Variants in VPS9D1 observed in about 807,000 individuals in gnomAD.
The protein encoded by VPS9D1 is VPS9 domain containing 1.
VPS9D1 carries 78 observed loss-of-function variants against 75.8 expected under a neutral mutation model. The observed-to-expected ratio is 1.03, with a 90% CI of 0.86 to 1.24. The LOEUF is 1.24. VPS9D1 is among the 50% of genes most tolerant of loss of function. VPS9D1 has a pLI of 0.00. For missense variants in VPS9D1, 1,057 were observed against 847.7 expected, an observed-to-expected ratio of 1.25 and a Z score of -3.07; for synonymous variants, 481 against 385.6, an observed-to-expected ratio of 1.25 and a Z score of -2.90.
chr16:89,711,874 G>GC lies in VPS9D1; in HGVS notation c.747+7_747+8insG. 1.9e-6 allele frequency: 3 copies of GC among 1,549,996 alleles called. No homozygotes were observed. Among genetic ancestry groups the GC allele is most frequent in the Non-Finnish European group, 2.6e-6 (3 of 1,146,356 alleles). On this transcript the variant is annotated splice_region_variant and intron_variant, in intron 8 of 14. Coordinates refer to ENST00000389386, the MANE Select transcript of VPS9D1 (RefSeq NM_004913.3). ...CTCCTACAAAGCCTGGGCCCGTGGG[G>GC]GACGCACATGGTCCTGTTCGTACTC...
In VPS9D1 at chr16:89,710,609, A is replaced by C. The variant is rs891270993; in HGVS notation, c.1235T>G (p.Val412Gly). The change falls in exon 10 of 15, where the codon GTG becomes GGG. Residue 412 changes from valine to glycine, a missense_variant. By Grantham distance (109) the Val-to-Gly change is moderately radical. Transcript: ENST00000389386. ...EPQLQQLKTA[V>G]EEIHNAVDRL... ...ACCTACGGCATTGTGGATCTCCTCC[A>C]CCGCGGTCTTCAGCTGCTGCAGCTG... 6.2e-7 allele frequency: 1 copy of C among 1,606,610 alleles called. No individual in the cohort carries two copies. Among genetic ancestry groups the C allele is most frequent in the Non-Finnish European group, 8.5e-7 (1 of 1,174,956 alleles).
At chr16:89,718,063 C>A (rs1248778641) in intron 2 of VPS9D1, 1 of 451,498 alleles carries the variant, frequency 2.2e-6, no homozygotes, top group Non-Finnish European at 4.4e-6. Context: ...GTGGCTCCCC[C>A]TGACCTCTGT....
At chr16:89,720,113 T>C (rs897394146) in intron 1 of VPS9D1, among the ~76,000 whole-genome samples, 1 of 152,204 alleles carries the variant, frequency 6.6e-6, no homozygotes, top group African/African-American at 2.4e-5. Flanking sequence ...CCAGGCAGGA[T>C]TTCTGACTTG....
intron 1 of VPS9D1, chr16:89,719,385 C>A (rs889069876): frequency 3.7e-6 from 2 of 545,766 alleles, no homozygotes; most frequent in African/African-American, 3.8e-5. Flanking sequence ...CCTCTGACTG[C>A]CTTTCTCTCC....
intron 2 of VPS9D1, 144 bp from the exon 3 acceptor site, chr16:89,716,966 C>T (rs535737864): frequency 4.4e-6 from 3 of 679,500 alleles, no homozygotes; most frequent in Non-Finnish European, 6.8e-6. Flanking sequence ...CACTGCCCCC[C>T]CATCCCCTCA....
chr16:89,713,077 G>C (rs1286834443), intron 4 of VPS9D1: 1 of 160,272 alleles, frequency 6.2e-6, no homozygotes, highest in Non-Finnish European at 1.4e-5. Flanking sequence ...AGCTACTCGG[G>C]AGGCTGAGGC....
At position 89,707,874 on chromosome 16, in the gene VPS9D1, C is replaced by T; in HGVS notation, c.1883G>A (p.Gly628Asp). ...GCTCTAGCTGTACTACTTGGCCAGG[C>T]CTCCCCGGGGCAGCAGCTCCACGTA... ...LSYVELLPRG[G>D]LAK The change falls in exon 15 of 15, where the codon GGC (glycine) becomes GAC (aspartate). Residue 628 changes from glycine to aspartate, a missense_variant. Transcript: ENST00000389386. 1 of 1,613,094 alleles carries T rather than the reference C, an allele frequency of 6.2e-7. No homozygotes were observed. Among genetic ancestry groups the T allele is most frequent in the African/African-American group, 1.3e-5 (1 of 75,044 alleles).
chr16:89,710,761 C>G lies in VPS9D1; in HGVS notation c.1083G>C (p.Gly361=). The change falls in exon 10 of 15, where the codon GGG becomes GGC. Residue 361 remains glycine, a synonymous_variant. Transcript: ENST00000389386. The part of the protein sequence containing the change: ...PTPPLQPGPV[G]SPSPLGDTAS... ...CGGTGTCCCCCAGGGGTGAGGGAGA[C>G]CCCACGGGGCCGGGTTGGAGTGGGG... The G allele has an allele frequency of 6.4e-7, 1 of 1,564,000 alleles. No individual in the cohort carries two copies. The highest frequency in any genetic ancestry group is 8.7e-7 in the Non-Finnish European group (1 of 1,154,334).
At chr16:89,714,415 G>A (rs2061013639) in intron 4 of VPS9D1, among the ~76,000 whole-genome samples, 1 of 152,200 alleles carries the variant, frequency 6.6e-6, no homozygotes, top group Non-Finnish European at 1.5e-5. Context: ...AGGAAGAAGT[G>A]TCCTGTCTCC....
Position 89,709,822 on chromosome 16 carries a change from T to A in VPS9D1, c.1343A>T (p.Glu448Val). Residue 448 changes from glutamate to valine, a missense_variant, in exon 11 of 15, where the codon GAA becomes GTA. Coordinates refer to ENST00000389386, the MANE Select transcript of VPS9D1 (RefSeq NM_004913.3). ...AGGCCACAGCGGGGAGAAAAAGGGTTCCTCAATGCAGGCCAGGCAGCGGTC... is the reference window on the plus strand; with the variant it reads ...AGGCCACAGCGGGGAGAAAAAGGGTACCTCAATGCAGGCCAGGCAGCGGTC... ...SKDRCLACIE[E>V]PFFSPLWPLL... 6.2e-7 allele frequency: 1 copy of A among 1,613,716 alleles called. No individual in the cohort carries two copies. The highest frequency in any genetic ancestry group is 8.5e-7 in the Non-Finnish European group (1 of 1,179,902).
In VPS9D1 at chr16:89,708,839, C is replaced by A. The variant is rs373091500; in HGVS notation, c.1697+18G>T. 2.6e-6 allele frequency: 4 copies of A among 1,568,570 alleles called. No homozygotes were observed. The South Asian group carries it at 3.6e-5, about 14-fold the overall frequency. On this transcript the variant is annotated intron_variant, in intron 13 of 14. Coordinates refer to ENST00000389386, the MANE Select transcript of VPS9D1 (RefSeq NM_004913.3). ...GGGCCCTTCCTCCCTGGCCACACCT[C>A]GCCCTCCTGGGACTCACATGGCAGC...
rs549226222 is a variant in VPS9D1, at chr16:89,708,867, C to G, written c.1687G>C (p.Ala563Pro). The change falls in exon 13 of 15, where the codon GCA becomes CCA. Residue 563 changes from alanine (A) to proline (P), a missense_variant. Ala to Pro is a conservative substitution (Grantham distance 27, BLOSUM62 -1). Coordinates refer to ENST00000389386, the MANE Select transcript of VPS9D1 (RefSeq NM_004913.3). Reference sequence around the variant, plus strand: ...CCTCCTGGGACTCACATGGCAGCTGCAGCGATGGGCGGGGGCCCGGCCTGG... The same window carrying G: ...CCTCCTGGGACTCACATGGCAGCTGGAGCGATGGGCGGGGGCCCGGCCTGG... ...TPQAGPPPIA[A>P]AAIGADDLLP... is the part of the protein sequence containing the mutation. 1.3e-6 allele frequency: 2 copies of G among 1,581,494 alleles called. No individual in the cohort carries two copies. The highest frequency in any genetic ancestry group is 2.7e-5 in the African/African-American group (2 of 73,148).
In VPS9D1 at chr16:89,720,850, C is replaced by T. The variant is rs975614145; in HGVS notation, c.12G>A (p.Ala4=). ...GCGGCTTCACCGTGCCGTCCCCGGC[C>T]GCAGCGGCCATGGCGCCGAGCGGGG... MAA[A]AGDGTVKPLQ... is the part of the protein sequence containing the mutation. The change falls in exon 1 of 15, where the codon GCG becomes GCA. Residue 4 remains alanine, a synonymous_variant. Coordinates refer to ENST00000389386, the MANE Select transcript of VPS9D1 (RefSeq NM_004913.3). 32 of 1,420,360 alleles carry T rather than the reference C, an allele frequency of 2.3e-5. 1 individual carries two copies. The highest frequency in any genetic ancestry group is 2.6e-5 in the Admixed American group (1 of 37,974). The allele number at this position is 1,420,360 out of a possible 1,614,324, so 88.0% of individuals were successfully genotyped here.
chr16:89,711,798 C>CCA, intron 8 of VPS9D1, 84 bp downstream of exon 8: 1 of 1,471,394 alleles, frequency 6.8e-7, no homozygotes, highest in Non-Finnish European at 9.2e-7. Context: ...GGCTCCGCCC[C>CCA]CCACGGGGGC....
chr16:89,713,324 G>C (rs1001474085), intron 4 of VPS9D1, among the ~76,000 whole-genome samples: 1 of 150,890 alleles, frequency 6.6e-6, no homozygotes, highest in Non-Finnish European at 1.5e-5. Flanking sequence ...GCGCAATCTC[G>C]GCTCACTGCA....
At chr16:89,710,355 G>A (rs554773044) in intron 10 of VPS9D1, among the ~76,000 whole-genome samples, 3 of 152,132 alleles carry the variant, frequency 2.0e-5, no homozygotes, top group Non-Finnish European at 2.9e-5. Context: ...GGAGGCCGGG[G>A]TGGGCAGATC....
In VPS9D1 at chr16:89,714,690, A is replaced by C. The variant is rs1356993198; in HGVS notation, c.431+1772T>G. 2.0e-5 allele frequency among the ~76,000 whole-genome samples: 3 copies of C among 151,972 alleles called. No individual in the cohort carries two copies. The East Asian group carries it at 5.8e-4, about 29-fold the overall frequency. ...TCTTTGTATCTTTCATCAGTTCTAG[A>C]CAACTGTCTGCCATTCTAACTTCTA... On this transcript the variant is annotated intron_variant, in intron 4 of 14. Transcript: ENST00000389386.
In VPS9D1 at chr16:89,710,853, G is replaced by A; in HGVS notation, c.991C>T (p.Leu331Phe). The change falls in exon 10 of 15, where the codon CTC (leucine) becomes TTC (phenylalanine). Residue 331 changes from leucine (L) to phenylalanine (F), a missense_variant. Transcript: ENST00000389386. ...GSRRLRPSQS[L>F]HCMLSPPEPS... ...TCGGGCGGGGACAGCATGCAATGGA[G>A]GCTCTGCGAGGGCCGCAGCCGTCGG... 1.3e-6 allele frequency: 2 copies of A among 1,517,490 alleles called. No homozygotes were observed. Among genetic ancestry groups the A allele is most frequent in the African/African-American group, 1.4e-5 (1 of 72,434 alleles). 94.0% of individuals were successfully genotyped at this position (1,517,490 alleles called of 1,614,324 possible). A position where few individuals can be genotyped will look rare whatever the true frequency, so the allele number is the denominator to read the frequency against.
At position 89,712,614 on chromosome 16, in the gene VPS9D1, C is replaced by T; in HGVS notation, c.534G>A (p.Lys178=). The T allele has an allele frequency of 5.0e-6, 8 of 1,609,760 alleles. No individual in the cohort carries two copies. Among genetic ancestry groups the T allele is most frequent in the Non-Finnish European group, 6.8e-6 (8 of 1,178,120 alleles). ...ARLDPSQAMQ[K]TSLTLSLQRQ... ...CCTAGCCCCCACTCACCAGGGATGT[C>T]TTCTGCATGGCCTGGCTGGGGTCTA... Residue 178 remains lysine, a synonymous_variant, in exon 5 of 15, where the codon AAG becomes AAA. Coordinates refer to ENST00000389386, the MANE Select transcript of VPS9D1 (RefSeq NM_004913.3).
Sources: gnomAD v4.1 joint callset for allele counts (sites outside exome capture counted in the v4.1 genomes callset) on GRCh38, gnomAD v4.1.1 for gene constraint, MANE v1.5 for transcripts, NCBI Gene and HGNC (gene_info 2026-07-23, HGNC 2026-07-21) for gene names.